The following RNF138 variants were observed in gnomAD, a reference collection of about 807,000 sequenced individuals.
The protein encoded by RNF138 is ring finger protein 138, also known as E3 ubiquitin-protein ligase RNF138.
RNF138 carries 12 observed loss-of-function variants against 31.0 expected under a neutral mutation model. That is an observed-to-expected ratio of 0.39 (90% CI 0.25 to 0.63). The LOEUF is 0.63. Ranked by LOEUF, RNF138 falls within the 20% of genes least tolerant of loss-of-function variation. RNF138 has a pLI of 0.52. For synonymous variants in RNF138, 105 were observed against 99.5 expected (o/e 1.06, Z -0.33); for missense variants, 192 against 300.1 (o/e 0.64, Z 2.66).
intron 6 of RNF138, among the ~76,000 whole-genome samples, chr18:32,126,133 G>A (rs2040380076): frequency 6.6e-6 from 1 of 151,610 alleles, no homozygotes; most frequent in African/African-American, 2.4e-5. Flanking sequence ...GGTGGCACAT[G>A]CCTTTAATCC....
chr18:32,108,243 A>AC (rs1042208264), intron 2 of RNF138, among the ~76,000 whole-genome samples: 4 of 152,124 alleles, frequency 2.6e-5, no homozygotes, highest in Non-Finnish European at 5.9e-5. Flanking sequence ...AATTGAGTAC[A>AC]CCCATATCAA....
chr18:32,102,739 T>G (rs1477779323), intron 2 of RNF138, among the ~76,000 whole-genome samples: 1 of 151,284 alleles, frequency 6.6e-6, no homozygotes, highest in African/African-American at 2.4e-5. Flanking sequence ...TTCAAGTGAT[T>G]CTCCTGCCTC....
At chr18:32,114,435 T>TTTGGTTTAAAAGTTTAAACCAAA (rs1479031392) in intron 4 of RNF138, among the ~76,000 whole-genome samples, 1 of 152,172 alleles carries the variant, frequency 6.6e-6, no homozygotes, top group Non-Finnish European at 1.5e-5. Flanking sequence ...CAAAATGCAC[T>TTTGGTTTAAAAGTTTAAACCAAA]TGTGGTTTAA....
At chr18:32,099,182 A>G (rs972672153) in intron 2 of RNF138, among the ~76,000 whole-genome samples, 2 of 152,118 alleles carry the variant, frequency 1.3e-5, no homozygotes, top group African/African-American at 4.8e-5. Flanking sequence ...CCTGTTCTGA[A>G]GATACGGGCC....
intron 2 of RNF138, among the ~76,000 whole-genome samples, chr18:32,110,770 T>C (rs1046930102): frequency 2.6e-5 from 4 of 152,022 alleles, no homozygotes; most frequent in African/African-American, 9.7e-5. Flanking sequence ...AGAAAGTTGG[T>C]TATAAATGTT....
At chr18:32,097,404 C>T (rs779945092) in intron 2 of RNF138, among the ~76,000 whole-genome samples, 2 of 152,108 alleles carry the variant, frequency 1.3e-5, no homozygotes, top group African/African-American at 4.8e-5. Flanking sequence ...TGTGTAATTT[C>T]CTATTTGACC....
At chr18:32,125,118 C>T (rs2040364165) in intron 6 of RNF138, 4 of 280,434 alleles carry the variant, frequency 1.4e-5, no homozygotes, top group Non-Finnish European at 2.1e-5. Flanking sequence ...GAACCGGGAA[C>T]TCATTCCTGC....
chr18:32,092,520 G>C (rs955384812), intron 1 of RNF138, 180 bp from the exon 2 acceptor site: 3 of 472,194 alleles, frequency 6.4e-6, no homozygotes, highest in African/African-American at 6.3e-5. Context: ...CCAGCCTCCC[G>C]CCAAGCACCG....
intron 2 of RNF138, among the ~76,000 whole-genome samples, chr18:32,107,050 A>G (rs766540534): frequency 1.3e-4 from 19 of 146,980 alleles, no homozygotes; most frequent in Admixed American, 1.4e-4. Context: ...TCCTATGGCT[A>G]CTGGGCCACT....
At chr18:32,127,941 G>A (rs2040408617) in intron 7 of RNF138, among the ~76,000 whole-genome samples, 1 of 152,130 alleles carries the variant, frequency 6.6e-6, no homozygotes, top group Admixed American at 6.5e-5. Flanking sequence ...TTAGCCGGGT[G>A]TGTTGGCAGG....
At chr18:32,094,964 A>G (rs1394903504) in intron 2 of RNF138, among the ~76,000 whole-genome samples, 6 of 152,162 alleles carry the variant, frequency 3.9e-5, no homozygotes, top group Non-Finnish European at 8.8e-5. Context: ...TGACCTCAAG[A>G]CTGTGGAAAA....
chr18:32,125,177 T>C (rs2040365000), intron 6 of RNF138: 1 of 189,064 alleles, frequency 5.3e-6, no homozygotes, highest in Admixed American at 5.6e-5. Context: ...GCTCTGTAGA[T>C]GGCAGACAAG....
chr18:32,110,129 G>A (rs2040102344), intron 2 of RNF138, among the ~76,000 whole-genome samples: 1 of 152,040 alleles, frequency 6.6e-6, no homozygotes, highest in Non-Finnish European at 1.5e-5. Context: ...GGGACTGGAC[G>A]TGCATGCTAC....
intron 2 of RNF138, among the ~76,000 whole-genome samples, chr18:32,095,762 C>T (rs2039793446): frequency 6.6e-6 from 1 of 152,198 alleles, no homozygotes; most frequent in Non-Finnish European, 1.5e-5. Flanking sequence ...GTTTAATCCC[C>T]ATTCATTCCC....
chr18:32,117,201 C>T (rs1167889239), intron 4 of RNF138, among the ~76,000 whole-genome samples: 4 of 151,920 alleles, frequency 2.6e-5, no homozygotes, highest in Non-Finnish European at 5.9e-5. Flanking sequence ...CCGCGCCCAG[C>T]CAGAAATTTT....
intron 2 of RNF138, among the ~76,000 whole-genome samples, chr18:32,095,019 C>G (rs1172028260): frequency 6.6e-6 from 1 of 152,084 alleles, no homozygotes; most frequent in Non-Finnish European, 1.5e-5. Context: ...CTCAAATCAA[C>G]TTATTGTACG....
At chr18:32,098,867 AAAG>A (rs2039865046) in intron 2 of RNF138, among the ~76,000 whole-genome samples, 2 of 152,054 alleles carry the variant, frequency 1.3e-5, no homozygotes, top group Admixed American at 1.3e-4. Flanking sequence ...AAAAAAAAAA[AAAG>A]ATTTACTTAA....
intron 4 of RNF138, among the ~76,000 whole-genome samples, chr18:32,120,503 T>C (rs1269025008): frequency 1.3e-5 from 2 of 152,192 alleles, no homozygotes; most frequent in Non-Finnish European, 2.9e-5. Context: ...ATTATGGAGA[T>C]TGAATTTTAT....
chr18:32,111,634 A>T, intron 2 of RNF138, 120 bp from the exon 3 acceptor site: 1 of 790,824 alleles, frequency 1.3e-6, no homozygotes, highest in Non-Finnish European at 2.0e-6. Context: ...ATTTATGTAC[A>T]TATGAGTAGC....
Sources: gnomAD v4.1 joint callset for allele counts (sites outside exome capture counted in the v4.1 genomes callset) on GRCh38, gnomAD v4.1.1 for gene constraint, MANE v1.5 for transcripts, NCBI Gene and HGNC (gene_info 2026-07-23, HGNC 2026-07-21) for gene names.